ZEB1: variants seen among roughly 807,000 people sequenced by gnomAD.
ZEB1 encodes zinc finger E-box-binding homeobox 1.
ZEB1 carries 21 observed loss-of-function variants against 84.9 expected under a neutral mutation model. The observed-to-expected ratio is 0.25, with a 90% CI of 0.18 to 0.36. ZEB1 has a LOEUF of 0.36. Among genes scored for constraint, ZEB1 ranks in the 10% least tolerant of loss-of-function variants. The pLI, the probability that ZEB1 is intolerant of heterozygous loss-of-function variation, is 1.00. For missense variants in ZEB1, 1,104 were observed against 1,330.2 expected (o/e 0.83, Z 2.65); for synonymous variants, 420 against 471.1 (o/e 0.89, Z 1.41).
intron 1 of ZEB1, among the ~76,000 whole-genome samples, chr10:31,399,331 A>C (rs2051451017): frequency 6.6e-6 from 1 of 151,906 alleles, no homozygotes; most frequent in African/African-American, 2.4e-5. Context: ...AGTAAACTGA[A>C]TTCCTCATCT....
intron 4 of ZEB1, among the ~76,000 whole-genome samples, chr10:31,506,544 T>G (rs2069010591): frequency 6.6e-6 from 1 of 152,106 alleles, no homozygotes; most frequent in African/African-American, 2.4e-5. Context: ...TATACTGTTT[T>G]GTTTACTGGA....
rs145389225 is a variant in ZEB1 at position 31,454,181 on chromosome 10, C to G, written c.59-6856C>G. 9.2e-3 allele frequency among the ~76,000 whole-genome samples: 1,405 copies of G among 152,220 alleles called. 20 individuals are homozygous for G. The highest frequency in any genetic ancestry group is 0.032 in the African/African-American group (1,347 of 41,534). On this transcript the variant is annotated intron_variant, in intron 1 of 8. Transcript: ENST00000424869. ...AACCACATTATTATCTCAATAGATG[C>G]AGAAAAAGCCTTTGATAAAATTCAA...
intron 1 of ZEB1, among the ~76,000 whole-genome samples, chr10:31,371,824 T>C (rs796780952): frequency 7.2e-5 from 11 of 152,288 alleles, no homozygotes; most frequent in African/African-American, 2.6e-4. Flanking sequence ...TAACTGAGGG[T>C]CAGTGTTATT....
At chr10:31,402,398 A>G (rs2052219923) in intron 1 of ZEB1, among the ~76,000 whole-genome samples, 1 of 152,158 alleles carries the variant, frequency 6.6e-6, no homozygotes, top group Non-Finnish European at 1.5e-5. Context: ...ATTGATGATC[A>G]GGAAGAAGAG....
At chr10:31,407,002 G>T (rs768347483) in intron 1 of ZEB1, among the ~76,000 whole-genome samples, 14 of 152,064 alleles carry the variant, frequency 9.2e-5, no homozygotes, top group Non-Finnish European at 2.1e-4. Flanking sequence ...TCAGATGGTT[G>T]TAGATGTGTG....
At chr10:31,332,518 T>TC (rs1198865986) in intron 1 of ZEB1, among the ~76,000 whole-genome samples, 73 of 152,240 alleles carry the variant, frequency 4.8e-4, no homozygotes, top group Non-Finnish European at 5.3e-4. Context: ...CTTGTGAACA[T>TC]GTTATTGTAC....
upstream of ZEB1, chr10:31,318,817 C>T: frequency 3.0e-6 from 1 of 329,382 alleles, no homozygotes; most frequent in Non-Finnish European, 6.0e-6. Flanking sequence ...GAGAATCAGC[C>T]AGATCCCTCC....
chr10:31,469,180 G>C (rs1027178595), intron 2 of ZEB1, among the ~76,000 whole-genome samples: 9 of 152,200 alleles, frequency 5.9e-5, no homozygotes, highest in African/African-American at 4.8e-5. Flanking sequence ...TTCAGAGCTT[G>C]ACGACTAGTC....
At chr10:31,474,335 A>G (rs537907176) in intron 2 of ZEB1, among the ~76,000 whole-genome samples, 16 of 151,872 alleles carry the variant, frequency 1.1e-4, no homozygotes, top group African/African-American at 3.4e-4. Flanking sequence ...AATATCCAGA[A>G]TCTACAATGA....
chr10:31,502,536 C>T (rs1388020932), intron 4 of ZEB1, 27 bp downstream of exon 4: 5 of 1,613,340 alleles, frequency 3.1e-6, no homozygotes, highest in Non-Finnish European at 4.2e-6. Context: ...AGTTGTGTTT[C>T]TTTCCCTCTT....
In ZEB1 at chr10:31,521,391, T is replaced by G; in HGVS notation, c.2059T>G (p.Ser687Ala). ...ACAAAGTCCTTTGAAGATGACTAAC[T>G]CCCCAGTTTTACCAGTGGGATCAAC... ...NLQSPLKMTN[S>A]PVLPVGSTTN... is the part of the protein sequence containing the mutation. The change falls in exon 7 of 9, where the codon TCC becomes GCC. Residue 687 changes from serine (S) to alanine (A), a missense_variant. This residue lies in a region of ZEB1 where 531 missense variants were observed against 575.2 expected (regional missense o/e 0.92). Coordinates refer to ENST00000424869, the MANE Select transcript of ZEB1 (RefSeq NM_001174096.2). 2 of 1,614,042 alleles carry G rather than the reference T, an allele frequency of 1.2e-6. No individual in the cohort carries two copies. Among genetic ancestry groups the G allele is most frequent in the South Asian group, 1.1e-5 (1 of 91,076 alleles).
At chr10:31,331,439 G>A (rs2036768915) in intron 1 of ZEB1, among the ~76,000 whole-genome samples, 1 of 152,124 alleles carries the variant, frequency 6.6e-6, no homozygotes, top group African/African-American at 2.4e-5. Context: ...CTGAAATTGA[G>A]AAAATAATTC....
Position 31,527,248 on chromosome 10 carries a change from A to T in ZEB1, c.3362A>T (p.Lys1121Met). Residue 1121 changes from lysine to methionine, a missense_variant, in exon 9 of 9, where the codon AAG (lysine) becomes ATG (methionine). Transcript: ENST00000424869. ...GESSEQVSEE[K>M]TNEA is the part of the protein sequence containing the mutation. ...AGTAGTGAGCAAGTGTCTGAAGAAA[A>T]GACAAATGAAGCCTAATCGTTTTTC... 6.2e-7 allele frequency: 1 copy of T among 1,606,696 alleles called. No homozygotes were observed. The highest frequency in any genetic ancestry group is 8.5e-7 in the Non-Finnish European group (1 of 1,177,408).
At chr10:31,514,479 G>T in intron 5 of ZEB1, 124 bp from the exon 6 acceptor site, 1 of 780,560 alleles carries the variant, frequency 1.3e-6, no homozygotes, top group Non-Finnish European at 2.1e-6. Context: ...TGCAATTTGA[G>T]GTCTTTAAGA....
At chr10:31,484,224 A>G (rs993578636) in intron 2 of ZEB1, among the ~76,000 whole-genome samples, 1 of 151,972 alleles carries the variant, frequency 6.6e-6, no homozygotes, top group Non-Finnish European at 1.5e-5. Flanking sequence ...TGCAAAGTCC[A>G]TTTCACCATT....
At chr10:31,518,265 T>G (rs573310594) in intron 6 of ZEB1, among the ~76,000 whole-genome samples, 2 of 152,116 alleles carry the variant, frequency 1.3e-5, no homozygotes, top group South Asian at 4.1e-4. Context: ...TCCCCAGAGG[T>G]GGGTTAACAA....
intron 1 of ZEB1, among the ~76,000 whole-genome samples, chr10:31,419,532 T>C (rs2055790375): frequency 6.6e-6 from 1 of 152,142 alleles, no homozygotes; most frequent in Non-Finnish European, 1.5e-5. Context: ...GGAGTCATAT[T>C]CTCATATCCG....
chr10:31,404,933 A>G (rs551414301), intron 1 of ZEB1, among the ~76,000 whole-genome samples: 1 of 152,172 alleles, frequency 6.6e-6, no homozygotes, highest in South Asian at 2.1e-4. Context: ...TGGGTGTGCA[A>G]CCTGTACAGT....
At chr10:31,437,580 G>C (rs1401168956) in intron 1 of ZEB1, among the ~76,000 whole-genome samples, 1 of 152,130 alleles carries the variant, frequency 6.6e-6, no homozygotes, top group East Asian at 1.9e-4. Flanking sequence ...ACTAGGCTCA[G>C]GGAATTAGTG....
Sources: allele counts gnomAD v4.1 joint callset (sites outside exome capture counted in the v4.1 genomes callset), GRCh38; gene constraint gnomAD v4.1.1; regional missense constraint gnomAD v4.1.1; transcripts MANE v1.5; gene names NCBI Gene and HGNC (gene_info 2026-07-23, HGNC 2026-07-21).